Variants in ASIC2 observed in about 807,000 individuals in gnomAD.
The protein encoded by ASIC2 is acid-sensing ion channel 2.
In ASIC2, 25 loss-of-function variants were observed where a neutral mutation model predicts 57.3. The observed-to-expected ratio is 0.44, with a 90% CI of 0.32 to 0.61. The LOEUF is 0.61. ASIC2 is among the 20% of genes least tolerant of loss of function. The pLI, the probability that ASIC2 is intolerant of heterozygous loss-of-function variation, is 0.06. For synonymous variants in ASIC2, 319 were observed against 307.5 expected (o/e 1.04, Z -0.39); for missense variants, 641 against 738.1 (o/e 0.87, Z 1.52).
At chr17:33,813,953 G>T (rs554860411) in intron 1 of ASIC2, among the ~76,000 whole-genome samples, 1 of 152,212 alleles carries the variant, frequency 6.6e-6, no homozygotes, top group African/African-American at 2.4e-5. Context: ...AGGTCTCTGT[G>T]GGGACATTCT....
At chr17:34,126,841 A>G (rs756362750) in intron 1 of ASIC2, among the ~76,000 whole-genome samples, 40 of 152,140 alleles carry the variant, frequency 2.6e-4, no homozygotes, top group Non-Finnish European at 5.6e-4. Context: ...GAGGCGCTGC[A>G]TTTCTACCCA....
chr17:33,055,683 A>G (rs1387345816), intron 3 of ASIC2, among the ~76,000 whole-genome samples: 1 of 152,116 alleles, frequency 6.6e-6, no homozygotes, highest in Non-Finnish European at 1.5e-5. Flanking sequence ...TGATTTTTAT[A>G]TTCAGGACGC....
At chr17:33,303,699 A>G (rs1906054353) in intron 1 of ASIC2, among the ~76,000 whole-genome samples, 1 of 149,456 alleles carries the variant, frequency 6.7e-6, no homozygotes, top group Non-Finnish European at 1.5e-5. Context: ...TTATTTTCCC[A>G]TCTACCCTCC....
chr17:33,335,582 A>G (rs1368280659), intron 1 of ASIC2, among the ~76,000 whole-genome samples: 1 of 152,112 alleles, frequency 6.6e-6, no homozygotes, highest in Non-Finnish European at 1.5e-5. Context: ...GGGTGAGTCA[A>G]TAAATCCATA....
chr17:33,474,434 C>T (rs1363092263), intron 1 of ASIC2, among the ~76,000 whole-genome samples: 1 of 152,156 alleles, frequency 6.6e-6, no homozygotes, highest in Non-Finnish European at 1.5e-5. Flanking sequence ...TTAAGCAAGG[C>T]CTCTTTACAA....
intron 1 of ASIC2, among the ~76,000 whole-genome samples, chr17:33,608,745 T>C (rs1290263517): frequency 1.3e-5 from 2 of 152,194 alleles, no homozygotes. Context: ...CTGAATTAAA[T>C]GGGTATATAA....
At chr17:33,092,194 C>G (rs1250283987) in intron 2 of ASIC2, among the ~76,000 whole-genome samples, 1 of 152,214 alleles carries the variant, frequency 6.6e-6, no homozygotes, top group Non-Finnish European at 1.5e-5. Context: ...GATCCTCTAC[C>G]CTGCTTTCCC....
intron 1 of ASIC2, among the ~76,000 whole-genome samples, chr17:33,524,733 GTTAT>G (rs569878036): frequency 6.6e-6 from 1 of 152,044 alleles, no homozygotes; most frequent in Non-Finnish European, 1.5e-5. Flanking sequence ...CCTCCCAAGT[GTTAT>G]TTATTTGTTT....
intron 1 of ASIC2, among the ~76,000 whole-genome samples, chr17:33,495,416 T>C (rs1406991849): frequency 1.3e-5 from 2 of 152,176 alleles, no homozygotes; most frequent in African/African-American, 4.8e-5. Flanking sequence ...GTTATTCTCA[T>C]CTTCTCGGAA....
intron 1 of ASIC2, among the ~76,000 whole-genome samples, chr17:33,544,654 A>T (rs951758250): frequency 1.5e-4 from 23 of 152,162 alleles, no homozygotes; most frequent in African/African-American, 5.6e-4. Flanking sequence ...ATTATTTTAC[A>T]TACTGCTAAG....
chr17:33,155,026 C>T (rs1156361797), intron 1 of ASIC2, among the ~76,000 whole-genome samples: 2 of 152,166 alleles, frequency 1.3e-5, no homozygotes, highest in Admixed American at 6.5e-5. Context: ...GAGTTGTTGG[C>T]GGCGGCGGCA....
At chr17:33,944,104 C>T (rs1027228859) in intron 1 of ASIC2, among the ~76,000 whole-genome samples, 1 of 152,128 alleles carries the variant, frequency 6.6e-6, no homozygotes, top group African/African-American at 2.4e-5. Flanking sequence ...GGTGGTATCA[C>T]AAGTTCTGTC....
At chr17:33,068,138 G>A (rs2092051548) in intron 3 of ASIC2, among the ~76,000 whole-genome samples, 1 of 152,112 alleles carries the variant, frequency 6.6e-6, no homozygotes, top group Non-Finnish European at 1.5e-5. Flanking sequence ...CTAGGTGACT[G>A]GACCTGGGGG....
intron 1 of ASIC2, among the ~76,000 whole-genome samples, chr17:33,544,830 T>G (rs892167996): frequency 3.3e-5 from 5 of 152,156 alleles, no homozygotes; most frequent in African/African-American, 1.2e-4. Context: ...GTATTCACCT[T>G]TAGAATCTTC....
chr17:33,510,986 G>A (rs1914413934), intron 1 of ASIC2, among the ~76,000 whole-genome samples: 3 of 152,342 alleles, frequency 2.0e-5, no homozygotes, highest in South Asian at 4.1e-4. Context: ...TTAGATGACT[G>A]TATTACAGCA....
chr17:33,682,546 T>C (rs1908043811), intron 1 of ASIC2, among the ~76,000 whole-genome samples: 1 of 152,204 alleles, frequency 6.6e-6, no homozygotes, highest in Admixed American at 6.5e-5. Flanking sequence ...GTCCTGATAG[T>C]TCAAAAAAGT....
chr17:33,568,529 C>T (rs961871582), intron 1 of ASIC2, among the ~76,000 whole-genome samples: 34 of 152,066 alleles, frequency 2.2e-4, no homozygotes, highest in Admixed American at 9.8e-4. Context: ...GGTAAACTTC[C>T]GGAAATGGTA....
rs980344665 is a variant in ASIC2, at chr17:34,040,871, C to G, written c.555+115107G>C. 2.0e-5 allele frequency among the ~76,000 whole-genome samples: 3 copies of G among 152,304 alleles called. No homozygotes were observed. In the East Asian group the frequency reaches 5.8e-4, roughly 29 times the overall value. ...AGAGTTAACATCATTAACTAGTCAT[C>G]ATGCAATTGCCACAACTATCCTAGG... On this transcript the variant is annotated intron_variant, in intron 1 of 9. Transcript: ENST00000359872.
intron 1 of ASIC2, among the ~76,000 whole-genome samples, chr17:33,665,284 A>G (rs1567683301): frequency 1.3e-5 from 2 of 152,218 alleles, no homozygotes; most frequent in African/African-American, 4.8e-5. Flanking sequence ...ATGCATATAC[A>G]TATTTCGAGG....
Sources: gnomAD v4.1 joint callset for allele counts (sites outside exome capture counted in the v4.1 genomes callset) on GRCh38, gnomAD v4.1.1 for gene constraint, MANE v1.5 for transcripts, NCBI Gene and HGNC (gene_info 2026-07-23, HGNC 2026-07-21) for gene names.